The following FAM124A variants were observed in gnomAD, a reference collection of about 807,000 sequenced individuals.
FAM124A encodes family with sequence similarity 124 member A.
In FAM124A, 23 loss-of-function variants were observed where a neutral mutation model predicts 24.5. The observed-to-expected ratio is 0.94, with a 90% CI of 0.68 to 1.33. The LOEUF (loss-of-function observed/expected upper bound fraction) is 1.33, where lower values mean the gene tolerates loss of function less well. FAM124A is among the 40% of genes most tolerant of loss of function. FAM124A has a pLI of 0.00. For missense variants in FAM124A, 623 were observed against 722.8 expected (o/e 0.86, Z 1.58); for synonymous variants, 287 against 314.7 (o/e 0.91, Z 0.93).
Position 51,280,804 on chromosome 13 carries a change from C to T in FAM124A, c.1189C>T (p.His397Tyr). 5.6e-6 allele frequency: 9 copies of T among 1,614,156 alleles called. No homozygotes were observed. Among genetic ancestry groups the T allele is most frequent in the Non-Finnish European group, 7.6e-6 (9 of 1,180,026 alleles). Residue 397 changes from histidine to tyrosine, a missense_variant, in exon 4 of 4, where the codon CAT becomes TAT. Physicochemically the swap from His to Tyr is moderately conservative, Grantham distance 83. Coordinates refer to ENST00000322475, the MANE Select transcript of FAM124A (RefSeq NM_001242312.2). ...AGGGCACAGGGCATCAGAGTGGAGG[C>T]ATGGCCACCTCCTCTCCATCGATGA... is the stretch of plus-strand genomic sequence containing the variant. ...APGHRASEWR[H>Y]GHLLSIDDLE...
At chr13:51,234,567 A>G (rs1290300907) in intron 2 of FAM124A, among the ~76,000 whole-genome samples, 5 of 152,138 alleles carry the variant, frequency 3.3e-5, no homozygotes, top group African/African-American at 1.2e-4. Context: ...TCTGTAAATA[A>G]GAGGATTGGG....
chr13:51,231,467 T>G, intron 2 of FAM124A, 88 bp downstream of exon 2: 6 of 1,386,318 alleles, frequency 4.3e-6, no homozygotes, highest in African/African-American at 1.5e-5. Context: ...CATGGTTTTA[T>G]AGTAGGTAAG....
intron 2 of FAM124A, 123 bp downstream of exon 2, chr13:51,231,502 G>C: frequency 9.6e-7 from 1 of 1,038,954 alleles, no homozygotes; most frequent in Non-Finnish European, 1.4e-6. Context: ...CTTTGCCAAA[G>C]AATGTGGTAC....
At chr13:51,264,693 T>C (rs1954768608) in intron 3 of FAM124A, among the ~76,000 whole-genome samples, 1 of 152,182 alleles carries the variant, frequency 6.6e-6, no homozygotes, top group Non-Finnish European at 1.5e-5. Flanking sequence ...CTTCCATTTA[T>C]TTATTTGAAA....
intron 2 of FAM124A, among the ~76,000 whole-genome samples, chr13:51,233,812 T>A (rs1438457369): frequency 6.6e-6 from 1 of 152,174 alleles, no homozygotes. Flanking sequence ...ATTTCCTAAG[T>A]AGATTTTTAA....
intron 2 of FAM124A, among the ~76,000 whole-genome samples, chr13:51,235,939 G>A (rs1038772398): frequency 6.6e-6 from 1 of 152,240 alleles, no homozygotes; most frequent in Non-Finnish European, 1.5e-5. Flanking sequence ...ATGGGTGGCT[G>A]TGAGTCACTG....
intron 3 of FAM124A, 94 bp downstream of exon 3, chr13:51,252,295 C>A: frequency 1.3e-6 from 2 of 1,485,350 alleles, no homozygotes; most frequent in South Asian, 2.6e-5. Flanking sequence ...GAGCAATGAT[C>A]AAGGAAGGAG....
At chr13:51,243,643 C>T (rs1331367789) in intron 2 of FAM124A, among the ~76,000 whole-genome samples, 2 of 152,200 alleles carry the variant, frequency 1.3e-5, no homozygotes, top group South Asian at 2.1e-4. Context: ...AAGTGATTCT[C>T]CTGACTCAGC....
intron 3 of FAM124A, among the ~76,000 whole-genome samples, chr13:51,273,522 C>T (rs1954858432): frequency 6.6e-6 from 1 of 152,218 alleles, no homozygotes; most frequent in South Asian, 2.1e-4. Flanking sequence ...ATCCTTCCAC[C>T]TCAGCCTCCT....
chr13:51,226,554 G>A (rs910302793), intron 1 of FAM124A, among the ~76,000 whole-genome samples: 2 of 152,136 alleles, frequency 1.3e-5, no homozygotes, highest in Non-Finnish European at 2.9e-5. Context: ...AGGGGTACGA[G>A]TTCCCGTTGT....
intron 2 of FAM124A, among the ~76,000 whole-genome samples, chr13:51,236,907 A>G (rs1361013478): frequency 6.6e-6 from 1 of 152,174 alleles, no homozygotes; most frequent in Non-Finnish European, 1.5e-5. Context: ...ATTCTTCCAG[A>G]GTCTTATTCC....
chr13:51,252,245 A>G (rs371957899), intron 3 of FAM124A, 44 bp downstream of exon 3: 11 of 1,587,530 alleles, frequency 6.9e-6, no homozygotes, highest in Non-Finnish European at 9.4e-6. Flanking sequence ...GACCTGAGAA[A>G]CCAGTTAGCT....
chr13:51,255,074 C>G (rs1954661588), intron 3 of FAM124A, among the ~76,000 whole-genome samples: 2 of 152,100 alleles, frequency 1.3e-5, no homozygotes, highest in Middle Eastern at 3.4e-3. Context: ...GAAGAAATTT[C>G]TAGTCCAAAA....
rs930937438 is a variant in FAM124A, at chr13:51,282,009, G to A, written c.*753G>A. ...GCACATTTCACTGGAATGGATGAGG[G>A]GCTTCTGAAGACCACTCCACTACCT... On this transcript the variant is annotated 3_prime_UTR_variant, in exon 4 of 4. Coordinates refer to ENST00000322475, the MANE Select transcript of FAM124A (RefSeq NM_001242312.2). 6.6e-6 allele frequency: 1 copy of A among 152,112 alleles called. No homozygotes were observed. Among genetic ancestry groups the A allele is most frequent in the African/African-American group, 2.4e-5 (1 of 41,410 alleles). The allele number at this position is 152,112 out of a possible 1,614,324, so 9.4% of individuals were successfully genotyped here. A position where few individuals can be genotyped will look rare whatever the true frequency, so the allele number is the denominator to read the frequency against.
chr13:51,250,921 C>T lies in FAM124A; in HGVS notation c.101-547C>T, dbSNP rs532707115. ...CAGGTCTCTCTTGTCCTCCATCATT[C>T]GCCTTGTGCCTCACTCCCTGTGAGG... On this transcript the variant is annotated intron_variant, in intron 2 of 3. Coordinates refer to ENST00000322475, the MANE Select transcript of FAM124A (RefSeq NM_001242312.2). 8.5e-5 allele frequency among the ~76,000 whole-genome samples: 13 copies of T among 152,336 alleles called. No individual in the cohort carries two copies. In the South Asian group the frequency reaches 2.1e-3, roughly 24 times the overall value.
chr13:51,264,550 G>A (rs1005791986), intron 3 of FAM124A, among the ~76,000 whole-genome samples: 7 of 152,060 alleles, frequency 4.6e-5, no homozygotes, highest in Non-Finnish European at 8.8e-5. Context: ...CTTGCGCCCA[G>A]GAGTTCCAGG....
chr13:51,264,415 TG>T (rs1954765554), intron 3 of FAM124A, among the ~76,000 whole-genome samples: 1 of 152,180 alleles, frequency 6.6e-6, no homozygotes, highest in African/African-American at 2.4e-5. Context: ...CCCTCCTCAG[TG>T]GCCTGTGCTT....
At chr13:51,228,714 T>A (rs1440690681) in intron 1 of FAM124A, among the ~76,000 whole-genome samples, 1 of 152,218 alleles carries the variant, frequency 6.6e-6, no homozygotes, top group Admixed American at 6.5e-5. Flanking sequence ...TGCAGAATTG[T>A]TTCAAGCTTT....
At position 51,222,714 on chromosome 13, in the gene FAM124A, G is replaced by T. The variant is rs1287416702; in HGVS notation, c.68+145G>T. ...CTGCCGGATCCCCCGCTCTCTCCTG[G>T]GCGGGCCGCGCTGCCCTGGGCAGGG... On this transcript the variant is annotated intron_variant, in intron 1 of 3. Transcript: ENST00000322475. 2.2e-5 allele frequency: 19 copies of T among 851,282 alleles called. 1 individual carries two copies. The South Asian group carries it at 1.1e-3, about 49-fold the overall frequency. 52.7% of individuals were successfully genotyped at this position (851,282 alleles called of 1,614,324 possible).
Sources: gnomAD v4.1 joint callset for allele counts (sites outside exome capture counted in the v4.1 genomes callset) on GRCh38, gnomAD v4.1.1 for gene constraint, MANE v1.5 for transcripts, NCBI Gene and HGNC (gene_info 2026-07-23, HGNC 2026-07-21) for gene names.